Variants in CNTN6 observed in about 807,000 individuals in gnomAD.
The protein encoded by CNTN6 is contactin-6.
Under a neutral mutation model 122.8 loss-of-function variants are expected in CNTN6, and 137 were observed. The observed-to-expected ratio is 1.12, with a 90% CI of 0.97 to 1.29. The LOEUF is 1.29. Ranked by LOEUF, CNTN6 falls within the 50% of genes most tolerant of loss-of-function variation. CNTN6 has a pLI of 0.00. For synonymous variants in CNTN6, 570 were observed against 426.0 expected, an observed-to-expected ratio of 1.34 and a Z score of -4.16; for missense variants, 1,634 against 1,223.4, an observed-to-expected ratio of 1.34 and a Z score of -5.01.
intron 1 of CNTN6, among the ~76,000 whole-genome samples, chr3:1,116,829 C>T (rs551849069): frequency 1.1e-3 from 166 of 151,582 alleles, no homozygotes; most frequent in African/African-American, 3.5e-3. Flanking sequence ...CTCAGTCTCC[C>T]GAGTAGCTGG....
chr3:1,221,424 T>C (rs972463867), intron 3 of CNTN6, among the ~76,000 whole-genome samples: 2 of 152,222 alleles, frequency 1.3e-5, no homozygotes, highest in African/African-American at 4.8e-5. Context: ...TATCTAGATT[T>C]ATTTCATCAG....
chr3:1,382,374 T>A (rs1353735861), intron 17 of CNTN6, among the ~76,000 whole-genome samples: 1 of 152,198 alleles, frequency 6.6e-6, no homozygotes, highest in East Asian at 1.9e-4. Context: ...AACAGTTTAT[T>A]CTTTCATGTG....
At chr3:1,338,799 G>A (rs1171086463) in intron 11 of CNTN6, among the ~76,000 whole-genome samples, 2 of 152,026 alleles carry the variant, frequency 1.3e-5, no homozygotes, top group African/African-American at 2.4e-5. Flanking sequence ...TTTGATTTTT[G>A]AGAAAAGAAG....
At chr3:1,323,407 C>T (rs553989986) in intron 8 of CNTN6, among the ~76,000 whole-genome samples, 14 of 151,768 alleles carry the variant, frequency 9.2e-5, no homozygotes, top group African/African-American at 3.4e-4. Flanking sequence ...ATTTAATTAG[C>T]CTGAAATGGT....
chr3:1,301,197 C>T (rs1697351435), intron 7 of CNTN6, among the ~76,000 whole-genome samples: 1 of 151,946 alleles, frequency 6.6e-6, no homozygotes, highest in Non-Finnish European at 1.5e-5. Context: ...CCACCACACC[C>T]AGCTAATTTT....
At chr3:1,294,920 A>T (rs262802) in intron 5 of CNTN6, among the ~76,000 whole-genome samples, 11,709 of 152,060 alleles carry the variant, frequency 0.077, 1,527 homozygotes, top group African/African-American at 0.27. Context: ...TTGGTTTTAC[A>T]CTAAGACCTA....
At chr3:1,282,596 G>T (rs1457578853) in intron 5 of CNTN6, among the ~76,000 whole-genome samples, 6 of 152,164 alleles carry the variant, frequency 3.9e-5, no homozygotes, top group Non-Finnish European at 8.8e-5. Context: ...AATCTTATCT[G>T]TAAAATATTT....
intron 1 of CNTN6, among the ~76,000 whole-genome samples, chr3:1,100,704 A>C (rs1243725313): frequency 6.6e-6 from 1 of 152,110 alleles, no homozygotes; most frequent in African/African-American, 2.4e-5. Flanking sequence ...AATTTCTACC[A>C]ATCTGTATTT....
chr3:1,213,829 T>C (rs938820310), intron 2 of CNTN6, among the ~76,000 whole-genome samples: 14 of 131,814 alleles, frequency 1.1e-4, no homozygotes, highest in Admixed American at 8.9e-4. Flanking sequence ...GACAAAAAAA[T>C]TTTTTAAATG....
chr3:1,248,374 T>C (rs1415963892), intron 4 of CNTN6, among the ~76,000 whole-genome samples: 1 of 152,222 alleles, frequency 6.6e-6, no homozygotes, highest in Admixed American at 6.5e-5. Flanking sequence ...AGTTGTATCT[T>C]CCTCAAAGTA....
intron 17 of CNTN6, among the ~76,000 whole-genome samples, chr3:1,380,777 T>C (rs1414396743): frequency 6.6e-6 from 1 of 152,204 alleles, no homozygotes; most frequent in Non-Finnish European, 1.5e-5. Flanking sequence ...CAGATGTGGC[T>C]AGAAGTACAT....
intron 2 of CNTN6, among the ~76,000 whole-genome samples, chr3:1,170,691 T>C (rs2093343968): frequency 6.6e-6 from 1 of 152,218 alleles, no homozygotes; most frequent in Non-Finnish European, 1.5e-5. Flanking sequence ...GAAAGATACA[T>C]AAGCCATCTC....
At chr3:1,313,477 A>G (rs986202510) in intron 7 of CNTN6, among the ~76,000 whole-genome samples, 3 of 152,056 alleles carry the variant, frequency 2.0e-5, no homozygotes, top group African/African-American at 7.2e-5. Flanking sequence ...ATATTTCCTC[A>G]TTTGCTCTTC....
intron 7 of CNTN6, among the ~76,000 whole-genome samples, chr3:1,307,472 C>G (rs1698543143): frequency 7.6e-6 from 1 of 132,434 alleles, no homozygotes; most frequent in African/African-American, 3.9e-5. Context: ...TCCAATATAA[C>G]CCCCCCACAC....
chr3:1,185,488 C>T lies in CNTN6; in HGVS notation c.56-35199C>T, dbSNP rs1040406762. 3.3e-5 allele frequency among the ~76,000 whole-genome samples: 5 copies of T among 152,138 alleles called. No individual in the cohort carries two copies. The South Asian group carries it at 8.3e-4, about 25-fold the overall frequency. ...CAGTTTGATAACCACTGCATTAGCA[C>T]AAATCCTTGGAAGTATGAAACACTT... On this transcript the variant is annotated intron_variant, in intron 2 of 22. Transcript: ENST00000446702.
At chr3:1,260,073 C>G (rs1470035987) in intron 4 of CNTN6, among the ~76,000 whole-genome samples, 1 of 152,056 alleles carries the variant, frequency 6.6e-6, no homozygotes, top group Non-Finnish European at 1.5e-5. Flanking sequence ...TAAGCCAATG[C>G]AGATGAGATC....
chr3:1,192,448 T>G (rs933547293), intron 2 of CNTN6, among the ~76,000 whole-genome samples: 3 of 152,144 alleles, frequency 2.0e-5, no homozygotes, highest in Non-Finnish European at 4.4e-5. Context: ...GGAGCCCACA[T>G]GGACCATACT....
At chr3:1,288,522 A>T (rs960887375) in intron 5 of CNTN6, among the ~76,000 whole-genome samples, 1 of 152,144 alleles carries the variant, frequency 6.6e-6, no homozygotes, top group African/African-American at 2.4e-5. Flanking sequence ...AGTAAAGTAC[A>T]CACATTCTGG....
intron 4 of CNTN6, among the ~76,000 whole-genome samples, chr3:1,233,561 A>C (rs543785524): frequency 8.3e-4 from 126 of 151,702 alleles, no homozygotes; most frequent in African/African-American, 2.2e-3. Context: ...TAGTGAAACC[A>C]CGTCTCTATA....
Sources: allele counts gnomAD v4.1 joint callset (sites outside exome capture counted in the v4.1 genomes callset), GRCh38; gene constraint gnomAD v4.1.1; transcripts MANE v1.5; gene names NCBI Gene and HGNC (gene_info 2026-07-23, HGNC 2026-07-21).